PLEKHG4B: variants seen among roughly 807,000 people sequenced by gnomAD.
PLEKHG4B encodes pleckstrin homology and RhoGEF domain containing G4B.
Under a neutral mutation model 121.3 loss-of-function variants are expected in PLEKHG4B, and 111 were observed. That is an observed-to-expected ratio of 0.92 (90% CI 0.78 to 1.07). The LOEUF (loss-of-function observed/expected upper bound fraction) is 1.07. Ranked by LOEUF, PLEKHG4B falls within the 50% of genes least tolerant of loss-of-function variation. The pLI is 0.00. For synonymous variants in PLEKHG4B, 738 were observed against 725.0 expected (o/e 1.02, Z -0.29); for missense variants, 1,831 against 1,757.8 (o/e 1.04, Z -0.74).
At chr5:123,491 C>G (rs1442950621) in intron 2 of PLEKHG4B, among the ~76,000 whole-genome samples, 1 of 152,104 alleles carries the variant, frequency 6.6e-6, no homozygotes. Context: ...CCAATGCAAC[C>G]ATGAGTTCCA....
chr5:126,274 T>C (rs770311742), intron 2 of PLEKHG4B, among the ~76,000 whole-genome samples: 1 of 152,208 alleles, frequency 6.6e-6, no homozygotes, highest in Non-Finnish European at 1.5e-5. Flanking sequence ...TTGTTCACTT[T>C]TCTTTCTTCT....
Position 159,202 on chromosome 5 carries a change from GGCCCAGGTGTGCCTGAGGGTC to G in PLEKHG4B, c.2487+2301_2487+2321del, listed in dbSNP as rs1042609919. Among the ~76,000 whole-genome samples, 1 of 149,994 alleles carries G rather than the reference GGCCCAGGTGTGCCTGAGGGTC, an allele frequency of 6.7e-6. No individual in the cohort carries two copies. The highest frequency in any genetic ancestry group is 2.5e-5 in the African/African-American group (1 of 40,568). ...ACTGAGAGCAGGTGTGCCTGAGGGT[GGCCCAGGTGTGCCTGAGGGTC>G]GCCCAGGTGCACTGAGGGCAGGTGT... On this transcript the variant is annotated intron_variant, in intron 11 of 19. Transcript: ENST00000637938. The surrounding 1 kb of genome is among the most constrained non-coding windows in gnomAD (Gnocchi z 5.5).
chr5:163,412 A>G lies in PLEKHG4B; in HGVS notation c.3340A>G (p.Thr1114Ala), dbSNP rs1463889652. The G allele has an allele frequency of 6.2e-7, 1 of 1,613,024 alleles. No individual in the cohort carries two copies. Among genetic ancestry groups the G allele is most frequent in the Non-Finnish European group, 8.5e-7 (1 of 1,180,040 alleles). ...TSVFSKGLEV[T>A]STVATEKKLP... is the part of the protein sequence containing the mutation. ...TGTCTTCAGCAAGGGCCTGGAGGTA[A>G]CCAGCACTGTAGCCACAGAGAAGAA... Residue 1114 changes from threonine (T) to alanine (A), a missense_variant, in exon 13 of 20, where the codon ACC becomes GCC. By Grantham distance (58) the Thr-to-Ala change is moderately conservative (BLOSUM62 0). Coordinates refer to ENST00000637938, the MANE Select transcript of PLEKHG4B (RefSeq NM_052909.5).
chr5:96,744 A>G (rs1289325009), intron 1 of PLEKHG4B, among the ~76,000 whole-genome samples: 1 of 152,168 alleles, frequency 6.6e-6, no homozygotes, highest in Non-Finnish European at 1.5e-5. Context: ...AGACAAAGAT[A>G]CCTTCTCCCC....
chr5:125,576 A>G (rs1197416422), intron 2 of PLEKHG4B, among the ~76,000 whole-genome samples: 1 of 152,200 alleles, frequency 6.6e-6, no homozygotes, highest in Non-Finnish European at 1.5e-5. Context: ...AGTATTAAAC[A>G]TAATCTAATA....
intron 16 of PLEKHG4B, 93 bp downstream of exon 16, chr5:171,537 G>A: frequency 1.6e-6 from 2 of 1,233,638 alleles, no homozygotes; most frequent in South Asian, 1.5e-5. Flanking sequence ...ACTTTTCTTG[G>A]TGATGTGCTG....
rs1273967749 is a variant in PLEKHG4B, at chr5:151,519, A to G, written c.1912A>G (p.Thr638Ala). The G allele has an allele frequency of 6.4e-7, 1 of 1,556,410 alleles. No homozygotes were observed. The highest frequency in any genetic ancestry group is 1.2e-5 in the South Asian group (1 of 86,698). Reference sequence around the variant, plus strand: ...TATTTCTTATTTATTTCAGAACAACACATCTCCTATAATTCATAGTATCTT... The same window carrying G: ...TATTTCTTATTTATTTCAGAACAACGCATCTCCTATAATTCATAGTATCTT... ...SQALSGLQNN[T>A]SPIIHSILLL... Residue 638 changes from threonine (T) to alanine (A), a missense_variant, in exon 7 of 20, where the codon ACA becomes GCA. Coordinates refer to ENST00000637938, the MANE Select transcript of PLEKHG4B (RefSeq NM_052909.5).
chr5:148,992 G>T (rs1464498590), intron 6 of PLEKHG4B, among the ~76,000 whole-genome samples: 1 of 151,984 alleles, frequency 6.6e-6, no homozygotes, highest in African/African-American at 2.4e-5. Flanking sequence ...TTTAACAAAT[G>T]GTGCTTAAAA....
At chr5:92,699 G>A (rs1313735341) in intron 1 of PLEKHG4B, among the ~76,000 whole-genome samples, 1 of 151,872 alleles carries the variant, frequency 6.6e-6, no homozygotes, top group Non-Finnish European at 1.5e-5. Context: ...TTTCTGGACA[G>A]ATTTGCCCTC....
Position 173,031 on chromosome 5 carries a change from C to A in PLEKHG4B, c.4185C>A (p.Gly1395=). Residue 1395 remains glycine, a synonymous_variant, in exon 17 of 20, where the codon GGC becomes GGA. Coordinates refer to ENST00000637938, the MANE Select transcript of PLEKHG4B (RefSeq NM_052909.5). ...ILFSKTQKVE[G]SHDVYLYKQS... ...TTAGCAAGACCCAGAAGGTGGAGGG[C>A]AGCCACGACGTCTACCTGTACAAGC... is the stretch of plus-strand genomic sequence containing the variant. 1 of 1,614,134 alleles carries A rather than the reference C, an allele frequency of 6.2e-7. No individual in the cohort carries two copies. Among genetic ancestry groups the A allele is most frequent in the Non-Finnish European group, 8.5e-7 (1 of 1,180,026 alleles).
chr5:135,665 CAAA>C (rs139636561), intron 2 of PLEKHG4B, among the ~76,000 whole-genome samples: 807 of 17,832 alleles, frequency 0.045, 34 homozygotes, highest in South Asian at 0.065. Context: ...GACTCCATCT[CAAA>C]AAAAAAAAAA....
intron 1 of PLEKHG4B, among the ~76,000 whole-genome samples, chr5:100,368 AG>A (rs1355201681): frequency 1.3e-5 from 2 of 151,906 alleles, no homozygotes; most frequent in Non-Finnish European, 2.9e-5. Flanking sequence ...GACTGTTGTG[AG>A]GTTAATCCAT....
intron 13 of PLEKHG4B, among the ~76,000 whole-genome samples, chr5:163,906 TAA>T (rs1256443162): frequency 6.6e-6 from 1 of 152,194 alleles, no homozygotes; most frequent in Non-Finnish European, 1.5e-5. Context: ...AAATAACTTT[TAA>T]AAAGTCTCTT....
intron 1 of PLEKHG4B, among the ~76,000 whole-genome samples, chr5:92,910 C>T (rs923389745): frequency 5.9e-5 from 9 of 152,088 alleles, no homozygotes; most frequent in African/African-American, 1.9e-4. Flanking sequence ...GAAACATTTG[C>T]TAGTAAAACA....
chr5:109,504 A>T (rs528453786), intron 1 of PLEKHG4B, among the ~76,000 whole-genome samples: 69 of 151,898 alleles, frequency 4.5e-4, no homozygotes, highest in Non-Finnish European at 8.7e-4. Flanking sequence ...GGGCTACAGC[A>T]TTGTGGGTAT....
intron 12 of PLEKHG4B, 40 bp from the exon 13 acceptor site, chr5:162,682 C>T (rs1736058114): frequency 1.5e-6 from 2 of 1,321,260 alleles, no homozygotes; most frequent in African/African-American, 1.5e-5. Flanking sequence ...AGGGCAGCCC[C>T]TCCTCCACTG....
chr5:140,324 AC>A lies in PLEKHG4B; in HGVS notation c.1089del (p.Met364CysfsTer18). The A allele has an allele frequency of 6.6e-7, 1 of 1,516,654 alleles. No individual in the cohort carries two copies. The highest frequency in any genetic ancestry group is 8.8e-7 in the Non-Finnish European group (1 of 1,134,548). The allele number at this position is 1,516,654 out of a possible 1,614,324, so 93.9% of individuals were successfully genotyped here. A position where few individuals can be genotyped will look rare whatever the true frequency, so the allele number is the denominator to read the frequency against. On this transcript the variant is annotated frameshift_variant, in exon 3 of 20. Coordinates refer to ENST00000637938, the MANE Select transcript of PLEKHG4B (RefSeq NM_052909.5). LOFTEE classifies it high-confidence loss of function. ...FRESYMEALR[N>X]PMPLGSSEEA... is the part of the protein sequence containing the mutation. ...GAGTCGTACATGGAAGCCTTGCGGA[AC>A]CCCATGCCCCTGGGCAGCTCTGAGG...
chr5:169,300 T>C (rs1560949622), intron 13 of PLEKHG4B, 40 bp from the exon 14 acceptor site: 1 of 1,609,430 alleles, frequency 6.2e-7, no homozygotes, highest in Non-Finnish European at 8.5e-7. Flanking sequence ...AAAGTGTCCG[T>C]GGGGGGCCGT....
intron 6 of PLEKHG4B, among the ~76,000 whole-genome samples, chr5:148,261 C>T (rs1434882760): frequency 6.7e-6 from 1 of 149,056 alleles, no homozygotes; most frequent in African/African-American, 2.5e-5. Flanking sequence ...GGAGAAGAGG[C>T]ATCCAAACTG....
Sources: allele counts gnomAD v4.1 joint callset (sites outside exome capture counted in the v4.1 genomes callset), GRCh38; gene constraint gnomAD v4.1.1; non-coding constraint Gnocchi (gnomAD v3.1); transcripts MANE v1.5; gene names NCBI Gene and HGNC (gene_info 2026-07-23, HGNC 2026-07-21).